The following SAMTOR variants were observed in gnomAD, a reference collection of about 807,000 sequenced individuals.
SAMTOR encodes the protein S-adenosylmethionine sensor upstream of mTORC1, also known as UPF0532 protein C7orf60.
chr7:112,857,895 G>C, the SAMTOR span, among the ~76,000 whole-genome samples: 1 of 152,186 alleles, frequency 6.6e-6, no homozygotes, highest in Admixed American at 6.5e-5. Context: ...GAGCTTGTCA[G>C]GGTCAGAGTA....
chr7:112,932,027 G>A, the SAMTOR span, among the ~76,000 whole-genome samples: 1 of 151,862 alleles, frequency 6.6e-6, no homozygotes, highest in East Asian at 1.9e-4. Flanking sequence ...CCAGGTTCAA[G>A]TGATTTTCCT....
chr7:112,924,188 T>TATA, the SAMTOR span, among the ~76,000 whole-genome samples: 1 of 151,436 alleles, frequency 6.6e-6, no homozygotes, highest in Non-Finnish European at 1.5e-5. Context: ...AAACTTAAAG[T>TATA]ATAATAATAA....
chr7:112,902,416 C>CAAAAAAAAAAAAAAAAAAAAAAAAAAAA, the SAMTOR span, among the ~76,000 whole-genome samples: 1 of 12,322 alleles, frequency 8.1e-5, no homozygotes, highest in Non-Finnish European at 1.4e-4. Flanking sequence ...AACTCCGTCT[C>CAAAAAAAAAAAAAAAAAAAAAAAAAAAA]AAAAAAAAAA....
the SAMTOR span, chr7:112,819,628 G>C: frequency 6.6e-6 from 1 of 152,622 alleles, no homozygotes; most frequent in South Asian, 2.1e-4. Context: ...TATACTAAGT[G>C]GTAGTAGGTT....
chr7:112,894,318 T>C, the SAMTOR span, among the ~76,000 whole-genome samples: 1 of 152,164 alleles, frequency 6.6e-6, no homozygotes, highest in Non-Finnish European at 1.5e-5. Context: ...AAGTTCACTG[T>C]CTTATATGGT....
At chr7:112,872,827 A>T in the SAMTOR span, among the ~76,000 whole-genome samples, 2 of 151,924 alleles carry the variant, frequency 1.3e-5, no homozygotes, top group Non-Finnish European at 2.9e-5. Context: ...AAAGAAATTT[A>T]AAAAATCAGT....
chr7:112,828,773 A>G, the SAMTOR span, among the ~76,000 whole-genome samples: 3 of 152,058 alleles, frequency 2.0e-5, no homozygotes. Context: ...CCACCTTAAC[A>G]TTTCTTATAA....
At chr7:112,933,059 A>G in the SAMTOR span, among the ~76,000 whole-genome samples, 2 of 152,174 alleles carry the variant, frequency 1.3e-5, no homozygotes, top group African/African-American at 2.4e-5. Flanking sequence ...AATGCCCAGG[A>G]GCCATCCAAT....
At chr7:112,921,038 T>A in the SAMTOR span, among the ~76,000 whole-genome samples, 7 of 152,130 alleles carry the variant, frequency 4.6e-5, no homozygotes, top group African/African-American at 1.7e-4. Flanking sequence ...AATTTATAGA[T>A]TCAATGCCAT....
chr7:112,852,936 C>T, the SAMTOR span, among the ~76,000 whole-genome samples: 65 of 151,884 alleles, frequency 4.3e-4, no homozygotes, highest in Non-Finnish European at 5.7e-4. Context: ...ACTCTGTCAC[C>T]GAGAAGCAAA....
At chr7:112,879,925 TTTAAA>T in the SAMTOR span, among the ~76,000 whole-genome samples, 5 of 152,186 alleles carry the variant, frequency 3.3e-5, 1 homozygote, top group East Asian at 7.7e-4. Context: ...TAGTTAACCT[TTTAAA>T]TTAAATTAGA....
the SAMTOR span, among the ~76,000 whole-genome samples, chr7:112,885,168 G>A: frequency 1.0e-4 from 1 of 9,566 alleles, no homozygotes; most frequent in Admixed American, 6.4e-4. Flanking sequence ...GCACAGGGCA[G>A]GGGGGGCCCT....
At chr7:112,825,293 C>T in the SAMTOR span, among the ~76,000 whole-genome samples, 1 of 152,068 alleles carries the variant, frequency 6.6e-6, no homozygotes, top group Non-Finnish European at 1.5e-5. Flanking sequence ...TCCCAAAATG[C>T]TGCGGTTACA....
chr7:112,871,261 T>C, the SAMTOR span, among the ~76,000 whole-genome samples: 1 of 152,188 alleles, frequency 6.6e-6, no homozygotes, highest in Non-Finnish European at 1.5e-5. Flanking sequence ...ATGGACCACA[T>C]GCTCAGTTAT....
At chr7:112,905,879 T>C in the SAMTOR span, among the ~76,000 whole-genome samples, 5 of 151,870 alleles carry the variant, frequency 3.3e-5, no homozygotes, top group African/African-American at 1.2e-4. Context: ...AGCTACGTAA[T>C]AGACAAGAGA....
At chr7:112,914,598 T>C in the SAMTOR span, among the ~76,000 whole-genome samples, 8 of 152,194 alleles carry the variant, frequency 5.3e-5, no homozygotes, top group South Asian at 1.2e-3. Flanking sequence ...ACATCAAAAA[T>C]TCAAGATTTA....
chr7:112,832,659 C>T, the SAMTOR span: 4 of 1,609,514 alleles, frequency 2.5e-6, no homozygotes, highest in Non-Finnish European at 3.4e-6. Flanking sequence ...CTGATTTTTC[C>T]TGAGGCTTGT....
chr7:112,862,229 TG>T, the SAMTOR span, among the ~76,000 whole-genome samples: 1 of 152,226 alleles, frequency 6.6e-6, no homozygotes, highest in Non-Finnish European at 1.5e-5. Context: ...CACTCCAGCC[TG>T]GGCGACAGGA....
the SAMTOR span, among the ~76,000 whole-genome samples, chr7:112,888,888 TGA>T: frequency 6.6e-6 from 1 of 152,190 alleles, no homozygotes; most frequent in African/African-American, 2.4e-5. Flanking sequence ...TATGTATGTT[TGA>T]GAGAGAGAAA....
Sources: gnomAD v4.1 joint callset for allele counts (sites outside exome capture counted in the v4.1 genomes callset) on GRCh38, gnomAD v4.1.1 for gene constraint, MANE v1.5 for transcripts, NCBI Gene and HGNC (gene_info 2026-07-23, HGNC 2026-07-21) for gene names.